Variants in MATR3 observed in about 807,000 individuals in gnomAD.
MATR3 encodes matrin 3.
A neutral mutation model predicts 85.5 loss-of-function variants in MATR3; 4 were observed. The ratio of observed to expected loss-of-function variants is 0.05; its 90% CI spans 0.02 to 0.11. MATR3 has a LOEUF of 0.11. Ranked by LOEUF, MATR3 falls within the 10% of genes least tolerant of loss-of-function variation. The pLI is 1.00. For missense variants in MATR3, 685 were observed against 1,016.1 expected, an observed-to-expected ratio of 0.67 and a Z score of 4.43; for synonymous variants, 336 against 343.1, an observed-to-expected ratio of 0.98 and a Z score of 0.23.
At chr5:139,276,470 A>C (rs1753280039) in intron 2 of MATR3, 1 of 337,642 alleles carries the variant, frequency 3.0e-6, no homozygotes, top group African/African-American at 2.1e-5. Flanking sequence ...ATAACTCCTC[A>C]TAATGTGTTA....
chr5:139,308,458 A>C (rs117778234), intron 2 of MATR3, 131 bp downstream of exon 2: 1 of 1,071,020 alleles, frequency 9.3e-7, no homozygotes, highest in East Asian at 2.4e-5. Flanking sequence ...GAGAACACTT[A>C]CTTTATTTGG....
intron 9 of MATR3, 51 bp downstream of exon 9, chr5:139,319,552 G>T: frequency 6.5e-7 from 1 of 1,536,692 alleles, no homozygotes; most frequent in Non-Finnish European, 8.9e-7. Flanking sequence ...AAATCCTTAA[G>T]ATTTTTCAAT....
chr5:139,294,532 C>G (rs1402031409), intron 1 of MATR3: 1 of 152,606 alleles, frequency 6.6e-6, no homozygotes, highest in Non-Finnish European at 1.5e-5. Flanking sequence ...CGCCCCCCAT[C>G]GCGTAAAAAT....
intron 3 of MATR3, among the ~76,000 whole-genome samples, chr5:139,281,824 T>C (rs1178346849): frequency 6.6e-6 from 1 of 152,102 alleles, no homozygotes; most frequent in Non-Finnish European, 1.5e-5. Context: ...CTGTACCATA[T>C]TAAGAGGAAA....
At chr5:139,301,858 T>C (rs2151945443) in intron 1 of MATR3, among the ~76,000 whole-genome samples, 1 of 152,296 alleles carries the variant, frequency 6.6e-6, no homozygotes, top group East Asian at 1.9e-4. Flanking sequence ...GACAGTATTA[T>C]TCCAGGTCTG....
chr5:139,324,405 C>T (rs770766883), intron 12 of MATR3, among the ~76,000 whole-genome samples: 3 of 151,644 alleles, frequency 2.0e-5, no homozygotes, highest in African/African-American at 7.3e-5. Context: ...GTTCTGCTGC[C>T]TCAGCCTCCC....
chr5:139,278,424 C>T (rs1753380000), intron 2 of MATR3: 1 of 447,298 alleles, frequency 2.2e-6, no homozygotes, highest in South Asian at 1.6e-5. Context: ...TATCCCTATT[C>T]ATTCCAACAT....
chr5:139,310,077 T>G (rs1011837965), intron 2 of MATR3: 6 of 152,198 alleles, frequency 3.9e-5, no homozygotes, highest in Non-Finnish European at 7.4e-5. Context: ...GAGAAAAGTT[T>G]CTGTTTTTAT....
chr5:139,308,920 C>G (rs983175510), intron 2 of MATR3, among the ~76,000 whole-genome samples: 1 of 151,806 alleles, frequency 6.6e-6, no homozygotes, highest in African/African-American at 2.4e-5. Context: ...CATTTTTTTT[C>G]TCCTTTTCCA....
chr5:139,317,004 T>C (rs1273804091), intron 5 of MATR3, 49 bp from the exon 6 acceptor site: 3 of 1,535,576 alleles, frequency 2.0e-6, no homozygotes, highest in Non-Finnish European at 2.7e-6. Context: ...ATTGCTTCTT[T>C]AAGCAAGTAT....
intron 1 of MATR3, among the ~76,000 whole-genome samples, chr5:139,303,971 C>G (rs906813251): frequency 6.6e-6 from 1 of 152,084 alleles, no homozygotes; most frequent in African/African-American, 2.4e-5. Flanking sequence ...TTTTAGTACT[C>G]TAGTTCTTTT....
chr5:139,275,154 T>TTC (rs1223161217), intron 1 of MATR3, among the ~76,000 whole-genome samples: 1 of 122,294 alleles, frequency 8.2e-6, no homozygotes, highest in Non-Finnish European at 1.8e-5. Flanking sequence ...TTTTTTTTTT[T>TTC]TTTTTTTTTT....
intron 1 of MATR3, among the ~76,000 whole-genome samples, chr5:139,304,688 A>G (rs1754620964): frequency 6.6e-6 from 1 of 152,182 alleles, no homozygotes. Flanking sequence ...GGATTTTGAT[A>G]ATAAATGTTC....
chr5:139,305,045 CTT>C (rs1303161111), intron 1 of MATR3, among the ~76,000 whole-genome samples: 5 of 152,170 alleles, frequency 3.3e-5, no homozygotes, highest in African/African-American at 1.2e-4. Flanking sequence ...CAAAATCTAA[CTT>C]AAGTTGCTTT....
intron 2 of MATR3, chr5:139,310,146 ATAACT>A (rs1754897735): frequency 1.3e-5 from 2 of 152,326 alleles, no homozygotes; most frequent in African/African-American, 2.4e-5. Context: ...AAGAAGGCTA[ATAACT>A]TAAATGGATC....
At chr5:139,323,005 TAGATC>T (rs777312688) in intron 12 of MATR3, 38 bp downstream of exon 12, 16 of 1,574,980 alleles carry the variant, frequency 1.0e-5, no homozygotes, top group South Asian at 6.9e-5. Context: ...AATAGAACAT[TAGATC>T]AGATCAGTAT....
chr5:139,278,386 C>T (rs1753378477), intron 2 of MATR3: 1 of 453,648 alleles, frequency 2.2e-6, no homozygotes, highest in African/African-American at 2.0e-5. Flanking sequence ...TGGCAGGTGA[C>T]AGTCTGCATG....
At chr5:139,323,035 C>T in intron 12 of MATR3, 68 bp downstream of exon 12, 1 of 1,457,628 alleles carries the variant, frequency 6.9e-7, no homozygotes, top group Non-Finnish European at 9.5e-7. Context: ...AGTTATTTAC[C>T]TAAGCAGGAT....
At chr5:139,300,944 G>A (rs1298566259) in intron 1 of MATR3, among the ~76,000 whole-genome samples, 1 of 152,170 alleles carries the variant, frequency 6.6e-6, no homozygotes, top group Non-Finnish European at 1.5e-5. Flanking sequence ...CTCCCGAGTA[G>A]CTGGGATTAC....
Sources: gnomAD v4.1 joint callset for allele counts (sites outside exome capture counted in the v4.1 genomes callset) on GRCh38, gnomAD v4.1.1 for gene constraint, MANE v1.5 for transcripts, NCBI Gene and HGNC (gene_info 2026-07-23, HGNC 2026-07-21) for gene names.